YTHDC1: variants seen among roughly 807,000 people sequenced by gnomAD.
YTHDC1 encodes YTH domain-containing protein 1.
In YTHDC1, 12 loss-of-function variants were observed where a neutral mutation model predicts 107.0. The observed-to-expected ratio is 0.11, with a 90% CI of 0.07 to 0.18. YTHDC1 has a LOEUF of 0.18. YTHDC1 is among the 10% of genes least tolerant of loss of function. The pLI is 1.00. For synonymous variants in YTHDC1, 280 were observed against 289.5 expected (o/e 0.97, Z 0.33); for missense variants, 635 against 898.8 (o/e 0.71, Z 3.75).
chr4:68,336,524 C>G (rs1192559607), intron 4 of YTHDC1, among the ~76,000 whole-genome samples: 2 of 152,168 alleles, frequency 1.3e-5, no homozygotes. Flanking sequence ...CTTGTCGACC[C>G]TGTCTCAGCC....
At chr4:68,338,015 A>G in intron 2 of YTHDC1, 115 bp from the exon 3 acceptor site, 2 of 1,467,026 alleles carry the variant, frequency 1.4e-6, no homozygotes, top group African/African-American at 1.4e-5. Context: ...TCATTTCTTT[A>G]AAAGTCTTCT....
At chr4:68,314,684 C>G (rs1721620774) in intron 16 of YTHDC1, among the ~76,000 whole-genome samples, 1 of 152,200 alleles carries the variant, frequency 6.6e-6, no homozygotes, top group African/African-American at 2.4e-5. Context: ...TCCATATATA[C>G]TGCCAATTAT....
chr4:68,324,895 T>C (rs1050689163), intron 9 of YTHDC1, among the ~76,000 whole-genome samples: 2 of 152,210 alleles, frequency 1.3e-5, no homozygotes, highest in Non-Finnish European at 2.9e-5. Context: ...CTCTAAGCCA[T>C]GACAAAATGG....
At chr4:68,338,436 T>A (rs773632139) in intron 1 of YTHDC1, 52 bp from the exon 2 acceptor site, 4 of 1,373,860 alleles carry the variant, frequency 2.9e-6, no homozygotes, top group Non-Finnish European at 4.0e-6. Context: ...ATTGAACATG[T>A]ATTTTTGAGT....
intron 15 of YTHDC1, among the ~76,000 whole-genome samples, 159 bp from the exon 16 acceptor site, chr4:68,316,607 GAAAATT>G (rs1560470392): frequency 1.3e-5 from 2 of 152,020 alleles, no homozygotes; most frequent in Non-Finnish European, 2.9e-5. Context: ...GCTTTTTGTC[GAAAATT>G]ACACATCTTC....
chr4:68,326,063 C>A (rs1164258473), intron 9 of YTHDC1, among the ~76,000 whole-genome samples: 1 of 151,888 alleles, frequency 6.6e-6, no homozygotes, highest in Non-Finnish European at 1.5e-5. Context: ...CTTCTAATTG[C>A]CAGTTTAAAA....
At chr4:68,335,630 AAAG>A (rs1724069914) in intron 4 of YTHDC1, among the ~76,000 whole-genome samples, 2 of 152,152 alleles carry the variant, frequency 1.3e-5, no homozygotes. Flanking sequence ...GAGATACCAA[AAAG>A]AAGATTCCTA....
At chr4:68,315,149 A>C (rs57619473) in intron 16 of YTHDC1, among the ~76,000 whole-genome samples, 3,664 of 152,282 alleles carry the variant, frequency 0.024, 196 homozygotes, top group East Asian at 0.23. Context: ...AAGACACCAC[A>C]ACCCATCTAG....
Position 68,311,178 on chromosome 4 carries a change from G to C in YTHDC1, c.*2921C>G, listed in dbSNP as rs1721277824. The C allele has an allele frequency of 6.6e-6, 1 of 152,046 alleles. No homozygotes were observed. The highest frequency in any genetic ancestry group is 6.5e-5 in the Admixed American group (1 of 15,268). 9.4% of individuals were successfully genotyped at this position (152,046 alleles called of 1,614,324 possible). On this transcript the variant is annotated 3_prime_UTR_variant, in exon 17 of 17. Transcript: ENST00000344157. ...GCTCCAAAACCAACATGGCTATTCA[G>C]TCCTTTTGGGGAACTGACATGGACA...
At chr4:68,317,445 A>T (rs1029110024) in intron 15 of YTHDC1, among the ~76,000 whole-genome samples, 2 of 152,188 alleles carry the variant, frequency 1.3e-5, no homozygotes, top group Non-Finnish European at 2.9e-5. Context: ...AAGAGGCCAT[A>T]TAACATATTG....
intron 9 of YTHDC1, among the ~76,000 whole-genome samples, chr4:68,326,741 C>T (rs1414195366): frequency 6.6e-6 from 1 of 151,818 alleles, no homozygotes; most frequent in African/African-American, 2.4e-5. Flanking sequence ...CAGGCATGCG[C>T]CACCACATCT....
rs1287666639 is a variant in YTHDC1 at position 68,312,773 on chromosome 4, T to C, written c.*1326A>G. ...TACAACTGTTGATACTATAAAAAAA[T>C]CAAACATTCAAATATTCCTAATGTT... On this transcript the variant is annotated 3_prime_UTR_variant, in exon 17 of 17. Coordinates refer to ENST00000344157, the MANE Select transcript of YTHDC1 (RefSeq NM_001031732.4). The C allele has an allele frequency of 2.0e-5, 3 of 152,154 alleles. No homozygotes were observed. Among genetic ancestry groups the C allele is most frequent in the Admixed American group, 2.0e-4 (3 of 15,282 alleles). The allele number at this position is 152,154 out of a possible 1,614,324, so 9.4% of individuals were successfully genotyped here. A position where few individuals can be genotyped will look rare whatever the true frequency, so the allele number is the denominator to read the frequency against.
intron 1 of YTHDC1, among the ~76,000 whole-genome samples, chr4:68,345,342 T>C (rs1725291938): frequency 6.6e-6 from 1 of 152,138 alleles, no homozygotes; most frequent in Non-Finnish European, 1.5e-5. Context: ...ATTTAGTATT[T>C]AAGGAAAGTT....
chr4:68,336,287 C>T (rs1436627417), intron 4 of YTHDC1, among the ~76,000 whole-genome samples: 1 of 151,914 alleles, frequency 6.6e-6, no homozygotes, highest in East Asian at 1.9e-4. Context: ...TCATATAGTG[C>T]TCTGTAAGTA....
rs961403431 is a variant in YTHDC1 at position 68,318,539 on chromosome 4, G to A, written c.1804C>T (p.Pro602Ser). 6.2e-7 allele frequency: 1 copy of A among 1,612,554 alleles called. No homozygotes were observed. Among genetic ancestry groups the A allele is most frequent in the Non-Finnish European group, 8.5e-7 (1 of 1,179,428 alleles). Residue 602 changes from proline to serine, a missense_variant, in exon 15 of 17, where the codon CCA (proline) becomes TCA (serine). Coordinates refer to ENST00000344157, the MANE Select transcript of YTHDC1 (RefSeq NM_001031732.4). ...CAAACCATTCCTTGCCAAGGTGGTG[G>A]TGGTCCCATGTTATGAAATTCCCTC... ...YVREFHNMGPPPPWQGMPPYP... is the reference protein window; with the variant it reads ...YVREFHNMGPSPPWQGMPPYP...
intron 16 of YTHDC1, among the ~76,000 whole-genome samples, chr4:68,314,717 C>T (rs1204177619): frequency 2.6e-5 from 4 of 152,170 alleles, no homozygotes; most frequent in African/African-American, 9.7e-5. Context: ...CAATGTTTTT[C>T]TGGCACAGGC....
chr4:68,328,267 C>T (rs1200377141), intron 9 of YTHDC1, among the ~76,000 whole-genome samples: 2 of 152,144 alleles, frequency 1.3e-5, no homozygotes, highest in Non-Finnish European at 2.9e-5. Context: ...GAAAGCAACA[C>T]CTGCAAATAT....
intron 1 of YTHDC1, among the ~76,000 whole-genome samples, chr4:68,341,125 A>G (rs922899452): frequency 1.3e-5 from 2 of 152,176 alleles, no homozygotes; most frequent in Non-Finnish European, 2.9e-5. Context: ...TTAATCATTC[A>G]TTACTTTGCA....
chr4:68,335,201 C>T (rs557053726), intron 4 of YTHDC1, among the ~76,000 whole-genome samples: 9 of 152,144 alleles, frequency 5.9e-5, no homozygotes, highest in African/African-American at 1.9e-4. Flanking sequence ...GACAGAGAAA[C>T]TCAACTGTGA....
Sources: gnomAD v4.1 joint callset for allele counts (sites outside exome capture counted in the v4.1 genomes callset) on GRCh38, gnomAD v4.1.1 for gene constraint, MANE v1.5 for transcripts, NCBI Gene and HGNC (gene_info 2026-07-23, HGNC 2026-07-21) for gene names.